The following TGFBR3 variants were observed in gnomAD, a reference collection of about 807,000 sequenced individuals.
TGFBR3 encodes transforming growth factor beta receptor 3.
A neutral mutation model predicts 87.9 loss-of-function variants in TGFBR3; 46 were observed. The observed-to-expected ratio is 0.52, with a 90% CI of 0.41 to 0.67. TGFBR3 has a LOEUF of 0.67. Ranked by LOEUF, TGFBR3 falls within the 30% of genes least tolerant of loss-of-function variation. TGFBR3 has a pLI of 0.00. For missense variants in TGFBR3, 866 were observed against 1,041.9 expected (o/e 0.83, Z 2.32); for synonymous variants, 381 against 391.6 (o/e 0.97, Z 0.32).
chr1:91,819,174 C>T (rs1676354107), intron 2 of TGFBR3, among the ~76,000 whole-genome samples: 1 of 152,124 alleles, frequency 6.6e-6, no homozygotes, highest in Non-Finnish European at 1.5e-5. Context: ...TCAAGACCAG[C>T]CTGGCCAACA....
intron 4 of TGFBR3, among the ~76,000 whole-genome samples, chr1:91,735,558 G>T (rs1186712727): frequency 6.6e-6 from 1 of 152,228 alleles, no homozygotes; most frequent in African/African-American, 2.4e-5. Flanking sequence ...ATGAATGTTT[G>T]TAACAGTTTA....
At chr1:91,694,144 A>AC (rs2100711331) in intron 16 of TGFBR3, among the ~76,000 whole-genome samples, 1 of 152,110 alleles carries the variant, frequency 6.6e-6, no homozygotes, top group Non-Finnish European at 1.5e-5. Context: ...GATGCACACC[A>AC]CCACGCCATG....
intron 2 of TGFBR3, among the ~76,000 whole-genome samples, chr1:91,814,031 T>C (rs554963400): frequency 6.6e-6 from 1 of 152,346 alleles, no homozygotes; most frequent in African/African-American, 2.4e-5. Flanking sequence ...CCTCCTGCTG[T>C]GTGCCCCAGT....
intron 2 of TGFBR3, among the ~76,000 whole-genome samples, chr1:91,819,762 A>G (rs1473285993): frequency 6.6e-6 from 1 of 152,164 alleles, no homozygotes; most frequent in Non-Finnish European, 1.5e-5. Context: ...AATCCACAGG[A>G]TGCCCACTCT....
chr1:91,746,257 C>T (rs183788519), intron 4 of TGFBR3, among the ~76,000 whole-genome samples: 1 of 152,144 alleles, frequency 6.6e-6, no homozygotes, highest in African/African-American at 2.4e-5. Flanking sequence ...TGTATATACA[C>T]AAAGAGAAGC....
intron 3 of TGFBR3, among the ~76,000 whole-genome samples, chr1:91,772,642 G>A (rs754866285): frequency 2.6e-5 from 4 of 152,292 alleles, no homozygotes; most frequent in Non-Finnish European, 5.9e-5. Flanking sequence ...GTAAAAGTCT[G>A]TAAGTTCTAT....
At chr1:91,835,655 C>G (rs1013084443) in intron 2 of TGFBR3, among the ~76,000 whole-genome samples, 2 of 151,514 alleles carry the variant, frequency 1.3e-5, no homozygotes, top group African/African-American at 4.8e-5. Flanking sequence ...GGTGAAACCC[C>G]GTCTCTACTA....
intron 14 of TGFBR3, among the ~76,000 whole-genome samples, chr1:91,707,438 C>T (rs2100748125): frequency 6.6e-6 from 1 of 152,320 alleles, no homozygotes; most frequent in South Asian, 2.1e-4. Flanking sequence ...GTAGGTTCTG[C>T]CCACTGTCCA....
At chr1:91,715,867 A>G (rs1265379616) in intron 12 of TGFBR3, among the ~76,000 whole-genome samples, 1 of 152,194 alleles carries the variant, frequency 6.6e-6, no homozygotes, top group African/African-American at 2.4e-5. Context: ...AAAAAAAGAA[A>G]TAAAAGATAA....
At chr1:91,882,631 G>T (rs1459992033) in intron 1 of TGFBR3, among the ~76,000 whole-genome samples, 1 of 152,096 alleles carries the variant, frequency 6.6e-6, no homozygotes, top group Non-Finnish European at 1.5e-5. Context: ...TGTAGTTACA[G>T]CTGCTGGGGA....
chr1:91,815,785 A>G (rs1676200716), intron 2 of TGFBR3, among the ~76,000 whole-genome samples: 2 of 152,258 alleles, frequency 1.3e-5, no homozygotes, highest in African/African-American at 4.8e-5. Context: ...TGCTGAACAA[A>G]AAGTTTGAAC....
chr1:91,801,024 A>G, intron 2 of TGFBR3: 1 of 218,798 alleles, frequency 4.6e-6, no homozygotes, highest in Non-Finnish European at 9.6e-6. Flanking sequence ...CGGAGGTTGC[A>G]GTGAGCCAAG....
At chr1:91,699,742 A>G (rs549130781) in intron 14 of TGFBR3, among the ~76,000 whole-genome samples, 1 of 152,326 alleles carries the variant, frequency 6.6e-6, no homozygotes, top group South Asian at 2.1e-4. Context: ...ACAGCTGGAA[A>G]GCATCAGGGC....
chr1:91,886,185 C>T (rs967549771), upstream of TGFBR3: 3 of 453,534 alleles, frequency 6.6e-6, no homozygotes, highest in African/African-American at 6.0e-5. Context: ...CACTCGCCCT[C>T]CCTCGCACAC....
At chr1:91,700,639 G>A (rs1230037247) in intron 14 of TGFBR3, among the ~76,000 whole-genome samples, 7 of 152,186 alleles carry the variant, frequency 4.6e-5, no homozygotes, top group Admixed American at 4.6e-4. Context: ...ATGATTGTAT[G>A]TTTTTAAGAA....
chr1:91,729,892 G>T lies in TGFBR3; in HGVS notation c.650C>A (p.Ala217Glu). ...GCTGGACATCACACACCCTTCTGCTGCTTTGGGTTGAAGGTACTCAGCAAG... is the reference window on the plus strand; with the variant it reads ...GCTGGACATCACACACCCTTCTGCTTCTTTGGGTTGAAGGTACTCAGCAAG... ...NYLAEYLQPKAAEGCVMSSQP... is the reference protein window; with the variant it reads ...NYLAEYLQPKEAEGCVMSSQP... Residue 217 changes from alanine to glutamate, a missense_variant, in exon 6 of 17, where the codon GCA becomes GAA. Physicochemically the swap from Ala to Glu is moderately radical, Grantham distance 107. Coordinates refer to ENST00000212355, the MANE Select transcript of TGFBR3 (RefSeq NM_003243.5). 6.2e-7 allele frequency: 1 copy of T among 1,614,192 alleles called. No homozygotes were observed. Among genetic ancestry groups the T allele is most frequent in the Non-Finnish European group, 8.5e-7 (1 of 1,180,024 alleles).
chr1:91,793,306 A>T (rs887630369), intron 3 of TGFBR3, among the ~76,000 whole-genome samples: 12 of 152,164 alleles, frequency 7.9e-5, no homozygotes, highest in African/African-American at 2.7e-4. Flanking sequence ...TTTATAATAG[A>T]TCTTGATACT....
intron 3 of TGFBR3, 25 bp from the exon 4 acceptor site, chr1:91,758,775 G>A: frequency 6.2e-7 from 1 of 1,613,630 alleles, no homozygotes; most frequent in South Asian, 1.1e-5. Flanking sequence ...AAAGAGGGCA[G>A]AAATCTTAGC....
At chr1:91,780,551 CTTTTTTTTTT>C (rs60294904) in intron 3 of TGFBR3, among the ~76,000 whole-genome samples, 1 of 77,166 alleles carries the variant, frequency 1.3e-5, no homozygotes, top group Admixed American at 1.8e-4. Flanking sequence ...GGGTCTAAGG[CTTTTTTTTTT>C]TTTTTTTTTT....
Sources: gnomAD v4.1 joint callset for allele counts (sites outside exome capture counted in the v4.1 genomes callset) on GRCh38, gnomAD v4.1.1 for gene constraint, MANE v1.5 for transcripts, NCBI Gene and HGNC (gene_info 2026-07-23, HGNC 2026-07-21) for gene names.